The following FAM209A variants were observed in gnomAD, a reference collection of about 807,000 sequenced individuals.
FAM209A encodes protein FAM209A.
In FAM209A, 4 loss-of-function variants were observed where a neutral mutation model predicts 9.8. The observed-to-expected ratio is 0.41, with a 90% CI of 0.20 to 0.94. The LOEUF is 0.94. Ranked by LOEUF, FAM209A falls within the 40% of genes least tolerant of loss-of-function variation. The pLI, the probability that FAM209A is intolerant of heterozygous loss-of-function variation, is 0.32. For missense variants in FAM209A, 205 were observed against 209.4 expected, an observed-to-expected ratio of 0.98 and a Z score of 0.13; for synonymous variants, 55 against 77.8, an observed-to-expected ratio of 0.71 and a Z score of 1.54.
At chr20:56,528,982 G>T (rs1985650536), downstream of FAM209A, among the ~76,000 whole-genome samples, 1 of 152,186 alleles carries the variant, frequency 6.6e-6, no homozygotes, top group Non-Finnish European at 1.5e-5. Context: ...GCCGAGGTGG[G>T]TGAATCACCT....
the FAM209A span, among the ~76,000 whole-genome samples, chr20:56,531,974 C>CTTTTCTTTTCTTTTCTTTTCT: frequency 2.2e-4 from 25 of 113,058 alleles, no homozygotes; most frequent in African/African-American, 9.1e-4. Flanking sequence ...CTTTTCTTTT[C>CTTTTCTTTTCTTTTCTTTTCT]TTTTTTTTTT....
At chr20:56,528,124 A>G (rs901282139), downstream of FAM209A, among the ~76,000 whole-genome samples, 1 of 151,468 alleles carries the variant, frequency 6.6e-6, no homozygotes, top group African/African-American at 2.4e-5. Flanking sequence ...TAAATAAATA[A>G]AAAGAATGGT....
At chr20:56,530,673 T>TC (rs1339063817), downstream of FAM209A, among the ~76,000 whole-genome samples, 2 of 151,384 alleles carry the variant, frequency 1.3e-5, no homozygotes, top group African/African-American at 2.4e-5. Context: ...ATTTTTTTTT[T>TC]TTTTTTTGTA....
At chr20:56,529,355 A>G (rs1166130196), downstream of FAM209A, among the ~76,000 whole-genome samples, 1 of 151,226 alleles carries the variant, frequency 6.6e-6, no homozygotes. Flanking sequence ...TGTCTCTACT[A>G]AAAATACAAA....
intron 1 of FAM209A, among the ~76,000 whole-genome samples, chr20:56,525,541 C>A (rs189126388): frequency 2.7e-4 from 41 of 152,268 alleles, no homozygotes; most frequent in Admixed American, 1.8e-3. Context: ...TGACCACAAA[C>A]AACTCTTTCA....
downstream of FAM209A, among the ~76,000 whole-genome samples, chr20:56,526,639 A>G (rs1985541382): frequency 2.0e-5 from 3 of 151,572 alleles, no homozygotes; most frequent in African/African-American, 7.3e-5. Context: ...TTTGTCAATA[A>G]TTGGATTTAA....
chr20:56,526,016 A>G lies in FAM209A; in HGVS notation c.462A>G (p.Ala154=). 1 of 1,614,138 alleles carries G rather than the reference A, an allele frequency of 6.2e-7. No individual in the cohort carries two copies. The highest frequency in any genetic ancestry group is 1.1e-5 in the South Asian group (1 of 91,062). Residue 154 remains alanine (A), a synonymous_variant, in exon 2 of 2, where the codon GCA becomes GCG. Transcript: ENST00000371328. ...NLRLRKSEMP[A]DPYHVTICEI... Reference sequence around the variant, plus strand: ...GGCTTCGAAAGTCAGAGATGCCTGCAGATCCATACCATGTCACGATCTGTG... The same window carrying G: ...GGCTTCGAAAGTCAGAGATGCCTGCGGATCCATACCATGTCACGATCTGTG...
the FAM209A span, among the ~76,000 whole-genome samples, chr20:56,531,736 C>T: frequency 6.6e-6 from 1 of 152,144 alleles, no homozygotes; most frequent in Non-Finnish European, 1.5e-5. Context: ...AATGATTCTC[C>T]TGCCTCAGCC....
chr20:56,533,060 C>G, the FAM209A span: 1 of 730,826 alleles, frequency 1.4e-6, no homozygotes, highest in Non-Finnish European at 1.7e-6. Context: ...AGCAAAAGCT[C>G]GAGGGTTGGA....
At chr20:56,531,603 T>C in the FAM209A span, among the ~76,000 whole-genome samples, 1 of 150,358 alleles carries the variant, frequency 6.7e-6, no homozygotes, top group Non-Finnish European at 1.5e-5. Flanking sequence ...GCCCGGCCTC[T>C]TACCACAATT....
At chr20:56,531,406 C>G in the FAM209A span, among the ~76,000 whole-genome samples, 1 of 150,032 alleles carries the variant, frequency 6.7e-6, no homozygotes, top group Non-Finnish European at 1.5e-5. Flanking sequence ...TCAAGCAATT[C>G]TCCTGCCTCA....
downstream of FAM209A, among the ~76,000 whole-genome samples, chr20:56,527,137 G>T (rs1328542988): frequency 6.6e-6 from 1 of 151,976 alleles, no homozygotes; most frequent in Non-Finnish European, 1.5e-5. Flanking sequence ...TTATTGATTG[G>T]AATTCTGCTG....
chr20:56,526,706 G>A (rs1341226301), downstream of FAM209A, among the ~76,000 whole-genome samples: 1 of 150,280 alleles, frequency 6.7e-6, no homozygotes, highest in East Asian at 1.9e-4. Flanking sequence ...GGCAGAGGTT[G>A]CATTGAGATC....
At chr20:56,525,203 TGATGTA>T in intron 1 of FAM209A, 146 bp downstream of exon 1, 1 of 1,057,482 alleles carries the variant, frequency 9.5e-7, no homozygotes, top group East Asian at 2.5e-5. Flanking sequence ...ATTCACTTCC[TGATGTA>T]TCCTTAGTGA....
In FAM209A at chr20:56,524,847, C is replaced by T; in HGVS notation, c.39C>T (p.Cys13=). ...TLKSSLVLLL[C]LTCSYAFMFS... ...AATCGTCCCTGGTCCTGCTTCTGTG[C>T]CTCACCTGCAGCTATGCCTTTATGT... The change falls in exon 1 of 2, where the codon TGC becomes TGT. Residue 13 remains cysteine (C), a synonymous_variant. Transcript: ENST00000371328. The T allele has an allele frequency of 6.2e-7, 1 of 1,614,204 alleles. No individual in the cohort carries two copies. The highest frequency in any genetic ancestry group is 1.6e-4 in the Middle Eastern group (1 of 6,062).
At chr20:56,528,216 G>C (rs980359707), downstream of FAM209A, among the ~76,000 whole-genome samples, 1 of 152,016 alleles carries the variant, frequency 6.6e-6, no homozygotes, top group African/African-American at 2.4e-5. Flanking sequence ...CTGGGAGGTC[G>C]AGGCTGCAGT....
chr20:56,530,931 T>A (rs1985723385), downstream of FAM209A, among the ~76,000 whole-genome samples: 1 of 152,282 alleles, frequency 6.6e-6, no homozygotes, highest in South Asian at 2.1e-4. Flanking sequence ...CGGGAGTAAA[T>A]CTGCGAATCA....
At chr20:56,531,854 C>T in the FAM209A span, among the ~76,000 whole-genome samples, 1 of 151,976 alleles carries the variant, frequency 6.6e-6, no homozygotes, top group Non-Finnish European at 1.5e-5. Flanking sequence ...TGGAACTCCT[C>T]CTGACCTCAG....
intron 1 of FAM209A, 76 bp downstream of exon 1, chr20:56,525,133 G>A (rs1189550894): frequency 6.3e-7 from 1 of 1,574,984 alleles, no homozygotes; most frequent in Non-Finnish European, 8.6e-7. Context: ...GTTCTAGTGA[G>A]TCTAGACGGC....
Sources: allele counts gnomAD v4.1 joint callset (sites outside exome capture counted in the v4.1 genomes callset), GRCh38; gene constraint gnomAD v4.1.1; transcripts MANE v1.5; gene names NCBI Gene and HGNC (gene_info 2026-07-23, HGNC 2026-07-21).